SP140: variants seen among roughly 807,000 people sequenced by gnomAD.
SP140 encodes nuclear body protein SP140.
A neutral mutation model predicts 125.0 loss-of-function variants in SP140; 81 were observed. The observed-to-expected ratio is 0.65, with a 90% CI of 0.54 to 0.78. The LOEUF is 0.78. Among genes scored for constraint, SP140 ranks in the 30% least tolerant of loss-of-function variants. The pLI is 0.00. For missense variants in SP140, 858 were observed against 1,037.0 expected (o/e 0.83, Z 2.37); for synonymous variants, 312 against 354.0 (o/e 0.88, Z 1.33).
intron 1 of SP140, among the ~76,000 whole-genome samples, chr2:230,236,750 A>G (rs993000433): frequency 5.9e-5 from 9 of 152,244 alleles, no homozygotes; most frequent in African/African-American, 2.2e-4. Context: ...TTACCACAGT[A>G]TCATGTCAAT....
chr2:230,270,910 T>C, intron 15 of SP140: 2 of 500,692 alleles, frequency 4.0e-6, no homozygotes, highest in South Asian at 3.2e-5. Context: ...TCTAATCTTG[T>C]AGGCCTTAAA....
chr2:230,294,058 G>T (rs2057419615), intron 20 of SP140, among the ~76,000 whole-genome samples: 1 of 152,176 alleles, frequency 6.6e-6, no homozygotes. Context: ...CAAGAGAAGG[G>T]AAAATGGTCC....
chr2:230,264,783 G>C (rs182642898), intron 12 of SP140, among the ~76,000 whole-genome samples: 1 of 152,322 alleles, frequency 6.6e-6, no homozygotes, highest in East Asian at 1.9e-4. Flanking sequence ...CAGGCTCCAG[G>C]CTGGTACTCG....
rs189916066 is a variant in SP140, at chr2:230,261,924, T to C, written c.1240+6392T>C. Reference sequence around the variant, plus strand: ...CCAGTCTGTAGTTTTCTTTTTTGGCTATGTCCTTTCCTGGTGTTGGTATTA... The same window carrying C: ...CCAGTCTGTAGTTTTCTTTTTTGGCCATGTCCTTTCCTGGTGTTGGTATTA... On this transcript the variant is annotated intron_variant, in intron 12 of 26. Coordinates refer to ENST00000392045, the MANE Select transcript of SP140 (RefSeq NM_007237.5). Among the ~76,000 whole-genome samples the C allele has an allele frequency of 2.3e-3, 351 of 152,294 alleles. 1 individual carries two copies. Among genetic ancestry groups the C allele is most frequent in the African/African-American group, 8.2e-3 (342 of 41,564 alleles).
chr2:230,292,843 G>C, intron 20 of SP140, 55 bp downstream of exon 20: 1 of 1,608,198 alleles, frequency 6.2e-7, no homozygotes, highest in Non-Finnish European at 8.5e-7. Context: ...CTAATAATGA[G>C]GAGACTGTTT....
chr2:230,308,214 A>G (rs951709753), intron 22 of SP140, among the ~76,000 whole-genome samples: 9 of 151,900 alleles, frequency 5.9e-5, no homozygotes, highest in Admixed American at 2.6e-4. Flanking sequence ...TAAGAATGAT[A>G]CAATGGGCCT....
At chr2:230,249,120 T>C in intron 9 of SP140, 152 bp downstream of exon 9, 1 of 628,318 alleles carries the variant, frequency 1.6e-6, no homozygotes, top group South Asian at 2.0e-5. Context: ...TTGTGCCTTT[T>C]TGAAAACTGT....
chr2:230,190,613 T>A, the SP140 span, among the ~76,000 whole-genome samples: 15 of 152,178 alleles, frequency 9.9e-5, no homozygotes, highest in African/African-American at 2.4e-5. Flanking sequence ...TTGGCTTTTT[T>A]ATCATGAAGA....
intron 1 of SP140, chr2:230,209,839 A>T: frequency 2.5e-6 from 2 of 810,478 alleles, no homozygotes. Context: ...CTGTGGTCAC[A>T]TAGTGGTGCT....
At chr2:230,239,861 C>G (rs1417795339) in intron 3 of SP140, among the ~76,000 whole-genome samples, 3 of 152,174 alleles carry the variant, frequency 2.0e-5, no homozygotes, top group Non-Finnish European at 2.9e-5. Context: ...TGTATTTTAA[C>G]CAGGGTGTTC....
intron 1 of SP140, among the ~76,000 whole-genome samples, chr2:230,213,408 T>C (rs2044718728): frequency 6.6e-6 from 1 of 152,224 alleles, no homozygotes; most frequent in South Asian, 2.1e-4. Context: ...AAACAGATCA[T>C]ACTTCCCCGA....
intron 23 of SP140, chr2:230,310,325 G>A: frequency 6.1e-6 from 3 of 495,844 alleles, no homozygotes; most frequent in Non-Finnish European, 1.1e-5. Context: ...CAGCTGGGTG[G>A]GTTGGAGACA....
intron 17 of SP140, 106 bp from the exon 18 acceptor site, chr2:230,287,786 A>G (rs533537009): frequency 1.1e-6 from 1 of 941,508 alleles, no homozygotes; most frequent in South Asian, 2.1e-5. Flanking sequence ...TTATACATTA[A>G]ACAGGCTTTT....
chr2:230,212,715 C>A (rs759640629), intron 1 of SP140: 2 of 1,611,976 alleles, frequency 1.2e-6, no homozygotes, highest in South Asian at 1.1e-5. Context: ...GGCACAGGCA[C>A]CTTAGGCTGA....
At chr2:230,234,057 G>T (rs2047631116) in intron 1 of SP140, among the ~76,000 whole-genome samples, 1 of 152,208 alleles carries the variant, frequency 6.6e-6, no homozygotes, top group African/African-American at 2.4e-5. Flanking sequence ...GATGCTTCCA[G>T]TTCCTCTACA....
chr2:230,283,164 G>A (rs774975179), intron 15 of SP140, among the ~76,000 whole-genome samples: 3 of 152,182 alleles, frequency 2.0e-5, no homozygotes, highest in Admixed American at 6.5e-5. Flanking sequence ...AGGCGGGAGC[G>A]CTGGAGTAGT....
Position 230,255,482 on chromosome 2 carries a change from A to T in SP140, c.1190A>T (p.Asp397Val). ...EGSDDCSEMC[D>V]GEERQEASSS... The stretch of plus-strand genomic sequence containing the variant: ...AGTGATGACTGTTCGGAAATGTGTG[A>T]TGGAGAAGAGCGCCAGGAAGCCTCT... Residue 397 changes from aspartate (D) to valine (V), a missense_variant, in exon 12 of 27, where the codon GAT becomes GTT. Asp to Val is a radical substitution (Grantham distance 152, BLOSUM62 -3). Around this residue, in one of 4 missense-constraint regions of SP140, gnomAD observed 791 missense variants for 869.5 expected, o/e 0.91. Coordinates refer to ENST00000392045, the MANE Select transcript of SP140 (RefSeq NM_007237.5). 6.2e-7 allele frequency: 1 copy of T among 1,613,514 alleles called. No individual in the cohort carries two copies. The highest frequency in any genetic ancestry group is 1.7e-4 in the Middle Eastern group (1 of 5,990).
At chr2:230,200,704 A>C (rs1340485868), upstream of SP140, 1 of 634,196 alleles carries the variant, frequency 1.6e-6, no homozygotes, top group South Asian at 1.9e-5. Flanking sequence ...TAAAATGGAC[A>C]TATATTTGTA....
chr2:230,289,778 C>T (rs1416545278), intron 18 of SP140, among the ~76,000 whole-genome samples: 1 of 152,152 alleles, frequency 6.6e-6, no homozygotes, highest in Non-Finnish European at 1.5e-5. Flanking sequence ...CCTGGCCCTA[C>T]ACCTTTGGTT....
Sources: gnomAD v4.1 joint callset for allele counts (sites outside exome capture counted in the v4.1 genomes callset) on GRCh38, gnomAD v4.1.1 for gene constraint, gnomAD v4.1.1 regional missense constraint, MANE v1.5 for transcripts, NCBI Gene and HGNC (gene_info 2026-07-23, HGNC 2026-07-21) for gene names.